Variants in DIAPH3 observed in about 807,000 individuals in gnomAD.
The protein encoded by DIAPH3 is protein diaphanous homolog 3.
DIAPH3 carries 117 observed loss-of-function variants against 144.3 expected under a neutral mutation model. The ratio of observed to expected loss-of-function variants is 0.81; its 90% confidence interval spans 0.70 to 0.95. The LOEUF (loss-of-function observed/expected upper bound fraction) is 0.95. Among genes scored for constraint, DIAPH3 ranks in the 40% least tolerant of loss-of-function variants. DIAPH3 has a pLI of 0.00. For synonymous variants in DIAPH3, 519 were observed against 488.9 expected, an observed-to-expected ratio of 1.06 and a Z score of -0.81; for missense variants, 1,421 against 1,412.7, an observed-to-expected ratio of 1.01 and a Z score of -0.09.
At chr13:60,050,648 AG>A (rs1474300543) in intron 4 of DIAPH3, among the ~76,000 whole-genome samples, 1 of 152,228 alleles carries the variant, frequency 6.6e-6, no homozygotes, top group African/African-American at 2.4e-5. Flanking sequence ...TGGACATTTA[AG>A]AAAAAGTATG....
chr13:59,720,739 A>G (rs1827227902), intron 27 of DIAPH3, among the ~76,000 whole-genome samples: 1 of 152,218 alleles, frequency 6.6e-6, no homozygotes, highest in African/African-American at 2.4e-5. Flanking sequence ...ACACAGAAGA[A>G]AAAAAATTAG....
At chr13:59,701,632 C>T (rs1566195507) in intron 27 of DIAPH3, among the ~76,000 whole-genome samples, 1 of 152,222 alleles carries the variant, frequency 6.6e-6, no homozygotes, top group African/African-American at 2.4e-5. Context: ...AAGACCATGA[C>T]TTCCTATTGT....
At chr13:60,080,309 C>T (rs919283495) in intron 4 of DIAPH3, among the ~76,000 whole-genome samples, 1 of 151,688 alleles carries the variant, frequency 6.6e-6, no homozygotes, top group Non-Finnish European at 1.5e-5. Context: ...ATAATAAAGC[C>T]CTAATGTCCG....
chr13:60,035,681 T>A (rs1470331531), intron 5 of DIAPH3, among the ~76,000 whole-genome samples: 1 of 152,160 alleles, frequency 6.6e-6, no homozygotes, highest in Non-Finnish European at 1.5e-5. Context: ...AAACTCTGAA[T>A]GGCAATTAAG....
At chr13:59,767,489 T>G (rs2037915005) in intron 27 of DIAPH3, among the ~76,000 whole-genome samples, 1 of 150,372 alleles carries the variant, frequency 6.7e-6, no homozygotes, top group Admixed American at 6.6e-5. Flanking sequence ...TTTTACCAGT[T>G]TTTTTTTTTA....
At chr13:60,004,199 G>A (rs901490299) in intron 9 of DIAPH3, among the ~76,000 whole-genome samples, 3 of 151,968 alleles carry the variant, frequency 2.0e-5, no homozygotes, top group African/African-American at 7.3e-5. Flanking sequence ...ATTTTTAATT[G>A]GCGATTTGCT....
intron 2 of DIAPH3, among the ~76,000 whole-genome samples, chr13:60,127,947 T>G (rs1397771014): frequency 6.6e-6 from 1 of 152,178 alleles, no homozygotes; most frequent in African/African-American, 2.4e-5. Context: ...TGTGCAGGTT[T>G]GTTATATAGA....
intron 5 of DIAPH3, among the ~76,000 whole-genome samples, chr13:60,029,150 A>G (rs940889610): frequency 6.5e-5 from 6 of 92,740 alleles, no homozygotes; most frequent in Non-Finnish European, 1.4e-4. Flanking sequence ...CTATCTGCCT[A>G]TTTGCTCAAG....
chr13:59,747,198 T>G (rs988186971), intron 27 of DIAPH3, among the ~76,000 whole-genome samples: 1 of 151,962 alleles, frequency 6.6e-6, no homozygotes, highest in African/African-American at 2.4e-5. Context: ...AGTACCAATA[T>G]GAAAAAAAAA....
At chr13:60,161,761 G>A (rs1952305755) in intron 1 of DIAPH3, among the ~76,000 whole-genome samples, 1 of 152,130 alleles carries the variant, frequency 6.6e-6, no homozygotes, top group Admixed American at 6.5e-5. Context: ...GAACAATCAA[G>A]TAGGAAATGT....
chr13:59,789,442 T>C (rs1018755117), intron 25 of DIAPH3, among the ~76,000 whole-genome samples: 3 of 152,308 alleles, frequency 2.0e-5, no homozygotes, highest in East Asian at 1.9e-4. Context: ...TAGTGAAGAA[T>C]TGACTTTTCA....
At chr13:60,123,955 A>C (rs930619311) in intron 2 of DIAPH3, among the ~76,000 whole-genome samples, 1 of 152,224 alleles carries the variant, frequency 6.6e-6, no homozygotes, top group Non-Finnish European at 1.5e-5. Flanking sequence ...AGTTAGGCAC[A>C]AATTCAGGTA....
At chr13:59,692,707 C>T (rs2033598795) in intron 27 of DIAPH3, among the ~76,000 whole-genome samples, 1 of 152,106 alleles carries the variant, frequency 6.6e-6, no homozygotes, top group African/African-American at 2.4e-5. Context: ...CTCCATCAAC[C>T]ATAACCTACT....
intron 21 of DIAPH3, among the ~76,000 whole-genome samples, chr13:59,872,758 G>A (rs2044355345): frequency 6.6e-6 from 1 of 152,206 alleles, no homozygotes. Flanking sequence ...CACCTTCGGT[G>A]CTATCTCTGA....
chr13:60,042,886 A>T, intron 4 of DIAPH3, 66 bp from the exon 5 acceptor site: 1 of 1,560,806 alleles, frequency 6.4e-7, no homozygotes, highest in Non-Finnish European at 8.8e-7. Flanking sequence ...AAAAATAACA[A>T]GTTAATCTCC....
chr13:59,861,594 T>G, intron 21 of DIAPH3, 58 bp from the exon 22 acceptor site: 1 of 1,530,628 alleles, frequency 6.5e-7, no homozygotes, highest in Non-Finnish European at 9.0e-7. Flanking sequence ...ATATTCTGTC[T>G]ACTTAAATAA....
At chr13:59,765,648 T>C (rs2037829299) in intron 27 of DIAPH3, among the ~76,000 whole-genome samples, 1 of 152,214 alleles carries the variant, frequency 6.6e-6, no homozygotes, top group Non-Finnish European at 1.5e-5. Flanking sequence ...AAAGAGTATT[T>C]GAAAATCTGG....
At chr13:60,090,253 G>A (rs543222475) in intron 4 of DIAPH3, among the ~76,000 whole-genome samples, 2 of 152,208 alleles carry the variant, frequency 1.3e-5, no homozygotes, top group Admixed American at 1.3e-4. Flanking sequence ...TTCTAAATAC[G>A]ACACTTCCTT....
intron 2 of DIAPH3, among the ~76,000 whole-genome samples, chr13:60,126,516 G>T (rs6562073): frequency 0.75 from 114,756 of 152,092 alleles, 43,433 homozygotes; most frequent in Admixed American, 0.81. Context: ...AAATCACAGT[G>T]GGAGACTTCG....
Sources: gnomAD v4.1 joint callset for allele counts (sites outside exome capture counted in the v4.1 genomes callset) on GRCh38, gnomAD v4.1.1 for gene constraint, MANE v1.5 for transcripts, NCBI Gene and HGNC (gene_info 2026-07-23, HGNC 2026-07-21) for gene names.